Variants in GPX4 observed in about 807,000 individuals in gnomAD.
The protein encoded by GPX4 is glutathione peroxidase 4.
GPX4 carries 28 observed loss-of-function variants against 27.8 expected under a neutral mutation model. That is an observed-to-expected ratio of 1.01 (90% CI 0.75 to 1.38). The LOEUF is 1.38. Among genes scored for constraint, GPX4 ranks in the 40% most tolerant of loss-of-function variants. The pLI is 0.00. For synonymous variants in GPX4, 163 were observed against 107.8 expected (o/e 1.51, Z -3.17); for missense variants, 357 against 274.1 (o/e 1.30, Z -2.14).
Position 1,106,559 on chromosome 19 carries a change from C to A in GPX4, c.581C>A (p.Pro194His). 1 of 1,613,412 alleles carries A rather than the reference C, an allele frequency of 6.2e-7. No homozygotes were observed. The highest frequency in any genetic ancestry group is 8.5e-7 in the Non-Finnish European group (1 of 1,179,836). ...EEPLVIEKDL[P>H]HYF ...CGACAGGTGATAGAGAAGGACCTGC[C>A]CCACTATTTCTAGCTCCACAAGTGT... The change falls in exon 7 of 7, where the codon CCC (proline) becomes CAC (histidine). Residue 194 changes from proline to histidine, a missense_variant. By Grantham distance (77) the Pro-to-His change is moderately conservative. Coordinates refer to ENST00000354171, the MANE Select transcript of GPX4 (RefSeq NM_002085.5).
At position 1,105,614 on chromosome 19, in the gene GPX4, G is replaced by A. The variant is rs777912075; in HGVS notation, c.325-44G>A. On this transcript the variant is annotated intron_variant, in intron 3 of 6. Coordinates refer to ENST00000354171, the MANE Select transcript of GPX4 (RefSeq NM_002085.5). Reference sequence around the variant, plus strand: ...GAGTGTGCAGGGGGCCCGGACTGAGGGGGTGCCAGCCCCCGACTCACTCAC... The same window carrying A: ...GAGTGTGCAGGGGGCCCGGACTGAGAGGGTGCCAGCCCCCGACTCACTCAC... 22 of 1,600,918 alleles carry A rather than the reference G, an allele frequency of 1.4e-5. No homozygotes were observed. The African/African-American group carries it at 2.8e-4, about 20-fold the overall frequency.
At position 1,104,119 on chromosome 19, in the gene GPX4, G is replaced by A. The variant is rs978503478; in HGVS notation, c.76G>A (p.Gly26Arg). 2 of 1,486,892 alleles carry A rather than the reference G, an allele frequency of 1.3e-6. No individual in the cohort carries two copies. Among genetic ancestry groups the A allele is most frequent in the Non-Finnish European group, 1.8e-6 (2 of 1,125,272 alleles). 92.1% of individuals were successfully genotyped at this position (1,486,892 alleles called of 1,614,324 possible). A position where few individuals can be genotyped will look rare whatever the true frequency, so the allele number is the denominator to read the frequency against. The change falls in exon 1 of 7, where the codon GGG (glycine) becomes AGG (arginine). Residue 26 changes from glycine to arginine, a missense_variant. By Grantham distance (125) the Gly-to-Arg change is moderately radical. Coordinates refer to ENST00000354171, the MANE Select transcript of GPX4 (RefSeq NM_002085.5). ...CGALAAPGLA[G>R]TMCASRDDWR... Reference sequence around the variant, plus strand: ...GGCTCTGGCCGCGCCTGGCCTGGCCGGGACCATGGTGAGCTAGCGCCGCGG... The same window carrying A: ...GGCTCTGGCCGCGCCTGGCCTGGCCAGGACCATGGTGAGCTAGCGCCGCGG...
rs759634320 is a variant in GPX4, at chr19:1,105,325, G to C, written c.180-41G>C. 9 of 1,612,414 alleles carry C rather than the reference G, an allele frequency of 5.6e-6. No individual in the cohort carries two copies. The East Asian group carries it at 1.8e-4, about 32-fold the overall frequency. On this transcript the variant is annotated intron_variant, in intron 2 of 6. Transcript: ENST00000354171. ...GGGGCGCGGGGTCGGGCCCTGGGAG[G>C]GGGCCGTGTTCTTCTGCGCTGACGC...
intron 1 of GPX4, chr19:1,104,599 C>G: frequency 1.0e-6 from 1 of 981,162 alleles, no homozygotes. Flanking sequence ...CGCCCCCGGG[C>G]GCCGCCCCGC....
Position 1,105,780 on chromosome 19 carries a change from C to T in GPX4, c.447C>T (p.Ile149=). Residue 149 remains isoleucine (I), a synonymous_variant, in exon 4 of 7, where the codon ATC becomes ATT. Transcript: ENST00000354171. ...DAHPLWKWMK[I]QPKGKGILGN... is the part of the protein sequence containing the mutation. ...ACCCGCTGTGGAAGTGGATGAAGAT[C>T]CAACCCAAGGGCAAGGGCATCCTGG... is the stretch of plus-strand genomic sequence containing the variant. 1 of 1,581,002 alleles carries T rather than the reference C, an allele frequency of 6.3e-7. No homozygotes were observed. Among genetic ancestry groups the T allele is most frequent in the Non-Finnish European group, 8.6e-7 (1 of 1,163,642 alleles).
rs372066966 is a variant in GPX4 at position 1,106,630 on chromosome 19, G to T, written c.*58G>T. On this transcript the variant is annotated 3_prime_UTR_variant, in exon 7 of 7. Coordinates refer to ENST00000354171, the MANE Select transcript of GPX4 (RefSeq NM_002085.5). ...GCCCACGCCCTTGGAGCCTTCCACC[G>T]GCACTCATGACGGCCTGCCTGCAAA... is the stretch of plus-strand genomic sequence containing the variant. The T allele has an allele frequency of 1.2e-6, 2 of 1,606,796 alleles. No homozygotes were observed. The highest frequency in any genetic ancestry group is 1.7e-5 in the Admixed American group (1 of 59,490).
chr19:1,104,288 G>T, intron 1 of GPX4, 161 bp downstream of exon 1: 1 of 643,732 alleles, frequency 1.6e-6, no homozygotes, highest in Non-Finnish European at 2.4e-6. Flanking sequence ...ACGGACGCGG[G>T]TGACCGTACT....
In GPX4 at chr19:1,105,887, C is replaced by T. The variant is rs1021537149; in HGVS notation, c.476+78C>T. On this transcript the variant is annotated intron_variant, in intron 4 of 6. Transcript: ENST00000354171. Reference sequence around the variant, plus strand: ...CTGGGATGCTCACACCTCCCTGGGGCAGAATGGCTCATGGCTCGGGGGGCG... The same window carrying T: ...CTGGGATGCTCACACCTCCCTGGGGTAGAATGGCTCATGGCTCGGGGGGCG... 6.3e-6 allele frequency: 9 copies of T among 1,427,236 alleles called. No homozygotes were observed. In the African/African-American group the frequency reaches 1.3e-4, roughly 21 times the overall value. 88.4% of individuals were successfully genotyped at this position (1,427,236 alleles called of 1,614,324 possible). A position where few individuals can be genotyped will look rare whatever the true frequency, so the allele number is the denominator to read the frequency against.
intron 6 of GPX4, 34 bp from the exon 7 acceptor site, chr19:1,106,506 G>A (rs2079659350): frequency 1.2e-6 from 2 of 1,611,732 alleles, no homozygotes; most frequent in South Asian, 1.1e-5. Context: ...GGCTTGGGAG[G>A]TAGCTGCCCT....
Position 1,106,536 on chromosome 19 carries a change from A to G in GPX4, c.562-4A>G, listed in dbSNP as rs1234976533. 2.5e-6 allele frequency: 4 copies of G among 1,613,100 alleles called. No homozygotes were observed. The highest frequency in any genetic ancestry group is 2.5e-6 in the Non-Finnish European group (3 of 1,179,728). On this transcript the variant is annotated splice_polypyrimidine_tract_variant and splice_region_variant and intron_variant, in intron 6 of 6. Coordinates refer to ENST00000354171, the MANE Select transcript of GPX4 (RefSeq NM_002085.5). ...TGCCCTAACCCAGCTTTCCTCCCCG[A>G]CAGGTGATAGAGAAGGACCTGCCCC...
rs1011734962 is a variant in GPX4 at position 1,105,059 on chromosome 19, T to C, written c.85-127T>C. The stretch of plus-strand genomic sequence containing the variant: ...CGTGTGCGTTTAAGGAGGAGGAGCG[T>C]TCAGGTCTTCAGGGCCGCAGGGCCT... On this transcript the variant is annotated intron_variant, in intron 1 of 6. Transcript: ENST00000354171. 2.0e-6 allele frequency: 3 copies of C among 1,468,358 alleles called. No homozygotes were observed. In the African/African-American group the frequency reaches 4.2e-5, roughly 21 times the overall value. 91.0% of individuals were successfully genotyped at this position (1,468,358 alleles called of 1,614,324 possible).
chr19:1,104,673 C>G, intron 1 of GPX4: 1 of 985,258 alleles, frequency 1.0e-6, no homozygotes, highest in Non-Finnish European at 1.2e-6. Context: ...GCCTCCGGGC[C>G]CTTTGTCCCC....
intron 4 of GPX4, 161 bp downstream of exon 4, chr19:1,105,970 C>G (rs1011683594): frequency 1.6e-5 from 14 of 878,580 alleles, no homozygotes; most frequent in Non-Finnish European, 2.4e-5. Context: ...TAAGATGGCT[C>G]AGGGGGACAT....
chr19:1,105,912 G>A (rs2079646666), intron 4 of GPX4, 103 bp downstream of exon 4: 13 of 1,364,486 alleles, frequency 9.5e-6, no homozygotes, highest in Admixed American at 4.2e-5. Flanking sequence ...CTCGGGGGGC[G>A]GTTGCGGGGA....
rs751928727 is a variant in GPX4, at chr19:1,105,788, A to G, written c.455A>G (p.Lys152Arg). The stretch of plus-strand genomic sequence containing the variant: ...TGGAAGTGGATGAAGATCCAACCCA[A>G]GGGCAAGGGCATCCTGGGAAAGTGC... ...PLWKWMKIQP[K>R]GKGILGNAIK... Residue 152 changes from lysine to arginine, a missense_variant, in exon 4 of 7, where the codon AAG becomes AGG. By Grantham distance (26) the Lys-to-Arg change is conservative. Transcript: ENST00000354171. The G allele has an allele frequency of 7.2e-7, 1 of 1,383,688 alleles. No homozygotes were observed. The highest frequency in any genetic ancestry group is 1.7e-5 in the African/African-American group (1 of 59,794). 85.7% of individuals were successfully genotyped at this position (1,383,688 alleles called of 1,614,324 possible).
rs1213404519 is a variant in GPX4, at chr19:1,106,686, C to G, written c.*114C>G. ...TGGTGGGGCAGACCCGAAAATCCAG[C>G]GTGCACCCCGCCGGAGGAAGGTCCC... On this transcript the variant is annotated 3_prime_UTR_variant, in exon 7 of 7. Transcript: ENST00000354171. 2 of 1,413,362 alleles carry G rather than the reference C, an allele frequency of 1.4e-6. No homozygotes were observed. Among genetic ancestry groups the G allele is most frequent in the South Asian group, 1.2e-5 (1 of 80,156 alleles). The allele number at this position is 1,413,362 out of a possible 1,614,324, so 87.6% of individuals were successfully genotyped here. A position where few individuals can be genotyped will look rare whatever the true frequency, so the allele number is the denominator to read the frequency against.
intron 2 of GPX4, 40 bp from the exon 3 acceptor site, chr19:1,105,326 G>T (rs1254393118): frequency 6.2e-7 from 1 of 1,612,584 alleles, no homozygotes; most frequent in Non-Finnish European, 8.5e-7. Flanking sequence ...CCCTGGGAGG[G>T]GGCCGTGTTC....
chr19:1,106,246 A>G lies in GPX4; in HGVS notation c.481A>G (p.Ile161Val), dbSNP rs751121983. 2 of 1,604,320 alleles carry G rather than the reference A, an allele frequency of 1.2e-6. No homozygotes were observed. Among genetic ancestry groups the G allele is most frequent in the South Asian group, 2.2e-5 (2 of 90,646 alleles). Reference sequence around the variant, plus strand: ...GTCCATGTGCTTCTTTTCCAGTGCCATCAAGTGGAACTTCACCAAGGTAAG... The same window carrying G: ...GTCCATGTGCTTCTTTTCCAGTGCCGTCAAGTGGAACTTCACCAAGGTAAG... ...PKGKGILGNA[I>V]KWNFTKFLID... The change falls in exon 5 of 7, where the codon ATC (isoleucine) becomes GTC (valine). Residue 161 changes from isoleucine (I) to valine (V), a missense_variant. Coordinates refer to ENST00000354171, the MANE Select transcript of GPX4 (RefSeq NM_002085.5).
chr19:1,104,156 C>G, intron 1 of GPX4, 29 bp downstream of exon 1: 1 of 1,432,018 alleles, frequency 7.0e-7, no homozygotes, highest in African/African-American at 1.5e-5. Context: ...CGTTGCCGGC[C>G]CGGTGACCGT....
Sources: gnomAD v4.1 joint callset for allele counts on GRCh38, gnomAD v4.1.1 for gene constraint, MANE v1.5 for transcripts, NCBI Gene and HGNC (gene_info 2026-07-23, HGNC 2026-07-21) for gene names.